The following ITGA2 variants were observed in gnomAD, a reference collection of about 807,000 sequenced individuals.
ITGA2 encodes integrin subunit alpha 2, also known as integrin alpha-2.
In ITGA2, 101 loss-of-function variants were observed where a neutral mutation model predicts 146.3. The observed-to-expected ratio is 0.69, with a 90% confidence interval of 0.59 to 0.81. The LOEUF (loss-of-function observed/expected upper bound fraction) is 0.81, where lower values mean the gene tolerates loss of function less well. ITGA2 is among the 40% of genes least tolerant of loss of function. The pLI is 0.00. For missense variants in ITGA2, 1,281 were observed against 1,402.7 expected (o/e 0.91, Z 1.39); for synonymous variants, 477 against 487.1 (o/e 0.98, Z 0.27).
chr5:53,087,624 T>TA (rs772266428), intron 28 of ITGA2, among the ~76,000 whole-genome samples: 24,541 of 118,034 alleles, frequency 0.21, 2,056 homozygotes, highest in South Asian at 0.23. Flanking sequence ...GTCCCCTTGA[T>TA]AAAAAAAAAA....
chr5:52,989,498 G>T lies in ITGA2; in HGVS notation c.30G>T (p.Pro10=). The T allele has an allele frequency of 6.2e-7, 1 of 1,612,698 alleles. No homozygotes were observed. The highest frequency in any genetic ancestry group is 8.5e-7 in the Non-Finnish European group (1 of 1,179,592). Residue 10 remains proline, a synonymous_variant, in exon 1 of 30, where the codon CCG becomes CCT. Transcript: ENST00000296585. MGPERTGAA[P]LPLLLVLALS... is the part of the protein sequence containing the mutation. Reference sequence around the variant, plus strand: ...GGCCAGAACGGACAGGGGCCGCGCCGCTGCCGCTGCTGCTGGTGTTAGCGC... The same window carrying T: ...GGCCAGAACGGACAGGGGCCGCGCCTCTGCCGCTGCTGCTGGTGTTAGCGC...
chr5:53,072,471 T>G (rs1745442254), intron 18 of ITGA2, 142 bp from the exon 19 acceptor site: 1 of 675,352 alleles, frequency 1.5e-6, no homozygotes, highest in African/African-American at 1.8e-5. Flanking sequence ...TTTTCTTTAT[T>G]ATTTTGTTAA....
At chr5:53,036,410 T>C (rs2111860372) in intron 2 of ITGA2, among the ~76,000 whole-genome samples, 1 of 152,320 alleles carries the variant, frequency 6.6e-6, no homozygotes, top group Non-Finnish European at 1.5e-5. Context: ...ACATGATCTA[T>C]CATTACCAGT....
intron 1 of ITGA2, among the ~76,000 whole-genome samples, chr5:53,007,737 G>C (rs1188422508): frequency 6.6e-6 from 1 of 152,082 alleles, no homozygotes; most frequent in Non-Finnish European, 1.5e-5. Flanking sequence ...CTATTGAGTT[G>C]TTAAGAAGCA....
chr5:53,002,016 A>C (rs1741606993), intron 1 of ITGA2, among the ~76,000 whole-genome samples: 1 of 152,062 alleles, frequency 6.6e-6, no homozygotes, highest in African/African-American at 2.4e-5. Flanking sequence ...CAAAGGAGAA[A>C]ATCTGGAGTA....
At chr5:53,078,582 TTA>T (rs1180204925) in intron 23 of ITGA2, among the ~76,000 whole-genome samples, 188 bp from the exon 24 acceptor site, 2 of 152,144 alleles carry the variant, frequency 1.3e-5, no homozygotes, top group Admixed American at 6.5e-5. Flanking sequence ...TCAAAGGAAT[TTA>T]TGTTAGTCTT....
At chr5:53,042,280 CA>C (rs1743838531) in intron 3 of ITGA2, 59 bp downstream of exon 3, 1 of 1,046,802 alleles carries the variant, frequency 9.6e-7, no homozygotes, top group Non-Finnish European at 1.5e-6. Flanking sequence ...TGAAAAATAA[CA>C]TCAGAACAAT....
At position 53,046,950 on chromosome 5, in the gene ITGA2, T is replaced by A. The variant is rs560530587; in HGVS notation, c.388-1413T>A. On this transcript the variant is annotated intron_variant, in intron 4 of 29. Transcript: ENST00000296585. ...AAAAAATTTTGAATACTTCATGAGT[T>A]CTTTTTCAAAGTGATTTTAAAAAAA... is the stretch of plus-strand genomic sequence containing the variant. Among the ~76,000 whole-genome samples the A allele has an allele frequency of 2.6e-5, 4 of 152,296 alleles. No individual in the cohort carries two copies. The South Asian group carries it at 8.3e-4, about 32-fold the overall frequency.
At chr5:53,055,901 T>C (rs1302996753) in intron 8 of ITGA2, 83 bp from the exon 9 acceptor site, 11 of 1,376,844 alleles carry the variant, frequency 8.0e-6, no homozygotes, top group East Asian at 4.6e-5. Context: ...AGAGGGAATA[T>C]TGTGTTCAAA....
At chr5:52,993,165 G>A (rs1435324729) in intron 1 of ITGA2, among the ~76,000 whole-genome samples, 14 of 152,120 alleles carry the variant, frequency 9.2e-5, no homozygotes, top group Admixed American at 9.2e-4. Flanking sequence ...AAAGCTTGAG[G>A]TAACCTACCT....
intron 1 of ITGA2, among the ~76,000 whole-genome samples, chr5:53,003,513 C>G (rs1184256289): frequency 6.6e-6 from 1 of 152,168 alleles, no homozygotes; most frequent in South Asian, 2.1e-4. Flanking sequence ...CTGTGGTATC[C>G]TCAAGCCTCT....
intron 1 of ITGA2, among the ~76,000 whole-genome samples, chr5:53,012,382 TA>T (rs948820082): frequency 6.6e-6 from 1 of 152,158 alleles, no homozygotes; most frequent in African/African-American, 2.4e-5. Context: ...CAAATAACAT[TA>T]AAAAAATTAA....
chr5:53,086,983 C>T lies in ITGA2; in HGVS notation c.3290C>T (p.Ala1097Val). The change falls in exon 28 of 30, where the codon GCT becomes GTT. Residue 1097 changes from alanine to valine, a missense_variant. By Grantham distance (64) the Ala-to-Val change is moderately conservative (BLOSUM62 0). Transcript: ENST00000296585. ...STFQTVQLTA[A>V]AEINTYNPEI... ...TTCCAGACAGTACAGCTAACGGCAG[C>T]TGCAGAAATCAACACCTATAACCCT... 6.2e-7 allele frequency: 1 copy of T among 1,613,402 alleles called. No individual in the cohort carries two copies. The highest frequency in any genetic ancestry group is 8.5e-7 in the Non-Finnish European group (1 of 1,179,770).
rs1280532427 is a variant in ITGA2, at chr5:53,074,489, A to G, written c.2664+12A>G. The stretch of plus-strand genomic sequence containing the variant: ...AGAGAGAACAACAGGTACAACTTGC[A>G]TTTCATCCTCCAATCCATACAAGCC... On this transcript the variant is annotated intron_variant, in intron 21 of 29. Transcript: ENST00000296585. 4 of 1,597,928 alleles carry G rather than the reference A, an allele frequency of 2.5e-6. No individual in the cohort carries two copies. The African/African-American group carries it at 4.0e-5, about 16-fold the overall frequency.
intron 1 of ITGA2, chr5:52,990,079 C>CT (rs1392581316): frequency 2.5e-5 from 4 of 160,148 alleles, no homozygotes; most frequent in Non-Finnish European, 4.2e-5. Context: ...AATAATGCCT[C>CT]TATTTCTTAC....
At chr5:53,059,406 G>T (rs1352803620) in intron 10 of ITGA2, among the ~76,000 whole-genome samples, 2 of 151,892 alleles carry the variant, frequency 1.3e-5, no homozygotes, top group African/African-American at 4.8e-5. Context: ...AGGGCCTCCC[G>T]AGCCGTGTCT....
At chr5:53,085,621 A>G (rs1364195862) in intron 27 of ITGA2, among the ~76,000 whole-genome samples, 1 of 152,216 alleles carries the variant, frequency 6.6e-6, no homozygotes, top group Non-Finnish European at 1.5e-5. Context: ...CCAATCATCT[A>G]TATTGAGAAA....
At chr5:53,019,292 C>T (rs545393897) in intron 1 of ITGA2, among the ~76,000 whole-genome samples, 15 of 152,240 alleles carry the variant, frequency 9.9e-5, no homozygotes, top group African/African-American at 2.4e-4. Flanking sequence ...TAGTTACCCA[C>T]GGTCACCTGT....
chr5:53,018,217 C>T (rs66789666), intron 1 of ITGA2, among the ~76,000 whole-genome samples: 20,663 of 152,100 alleles, frequency 0.14, 1,458 homozygotes, highest in South Asian at 0.15. Context: ...TATAGGAGCA[C>T]GGCAGGCCTT....
Sources: allele counts gnomAD v4.1 joint callset (sites outside exome capture counted in the v4.1 genomes callset), GRCh38; gene constraint gnomAD v4.1.1; transcripts MANE v1.5; gene names NCBI Gene and HGNC (gene_info 2026-07-23, HGNC 2026-07-21).